GAS2: variants seen among roughly 807,000 people sequenced by gnomAD.
GAS2 encodes growth arrest-specific protein 2.
In GAS2, 20 loss-of-function variants were observed where a neutral mutation model predicts 37.5. The ratio of observed to expected loss-of-function variants is 0.53; its 90% CI spans 0.37 to 0.77. The LOEUF (loss-of-function observed/expected upper bound fraction) is 0.77, where lower values mean the gene tolerates loss of function less well. Among genes scored for constraint, GAS2 ranks in the 30% least tolerant of loss-of-function variants. The pLI, the probability that GAS2 is intolerant of heterozygous loss-of-function variation, is 0.00. For synonymous variants in GAS2, 144 were observed against 132.2 expected (o/e 1.09, Z -0.61); for missense variants, 336 against 373.4 (o/e 0.90, Z 0.82).
intron 1 of GAS2, among the ~76,000 whole-genome samples, chr11:22,640,564 TTAA>T (rs770614082): frequency 1.3e-5 from 2 of 152,168 alleles, no homozygotes; most frequent in Non-Finnish European, 2.9e-5. Context: ...GAGAACTTAT[TTAA>T]AAGTCTTGAT....
At chr11:22,718,086 C>A (rs1230064884) in intron 3 of GAS2, among the ~76,000 whole-genome samples, 1 of 151,928 alleles carries the variant, frequency 6.6e-6, no homozygotes, top group Admixed American at 6.6e-5. Flanking sequence ...ACTAAAAGTG[C>A]AAATACTATT....
intron 1 of GAS2, among the ~76,000 whole-genome samples, chr11:22,655,700 T>G (rs1377706477): frequency 1.3e-5 from 2 of 152,158 alleles, no homozygotes; most frequent in African/African-American, 2.4e-5. Context: ...ATGAAAAAAA[T>G]TAATGTATGA....
intron 4 of GAS2, among the ~76,000 whole-genome samples, chr11:22,728,176 A>G (rs1852303091): frequency 6.6e-6 from 1 of 151,974 alleles, no homozygotes; most frequent in African/African-American, 2.4e-5. Flanking sequence ...GAATGTAAAT[A>G]TTGTCTTGTC....
intron 1 of GAS2, among the ~76,000 whole-genome samples, chr11:22,660,647 C>T (rs1164196548): frequency 6.6e-6 from 1 of 152,200 alleles, no homozygotes; most frequent in Non-Finnish European, 1.5e-5. Flanking sequence ...CTCCAGATTA[C>T]TCTGCTAAAT....
intron 3 of GAS2, among the ~76,000 whole-genome samples, chr11:22,724,202 A>G (rs1002079572): frequency 3.9e-5 from 6 of 151,998 alleles, no homozygotes; most frequent in African/African-American, 1.4e-4. Flanking sequence ...ATGATCCATC[A>G]TAGGAAAAAT....
chr11:22,733,422 C>T (rs1852584671), intron 4 of GAS2, among the ~76,000 whole-genome samples: 1 of 151,700 alleles, frequency 6.6e-6, no homozygotes, highest in South Asian at 2.1e-4. Context: ...TTCGACATTA[C>T]CATTAATGTT....
intron 4 of GAS2, among the ~76,000 whole-genome samples, chr11:22,728,531 T>TA (rs1212023953): frequency 6.6e-6 from 1 of 151,114 alleles, no homozygotes; most frequent in Non-Finnish European, 1.5e-5. Context: ...CCATAAGTTA[T>TA]ATATATTATA....
intron 1 of GAS2, chr11:22,667,295 A>C (rs951527212): frequency 1.3e-5 from 2 of 152,174 alleles, no homozygotes; most frequent in African/African-American, 4.8e-5. Context: ...GCACAAGAGT[A>C]TCTGTAATGC....
At chr11:22,717,404 C>A (rs765244881) in intron 3 of GAS2, among the ~76,000 whole-genome samples, 5 of 152,064 alleles carry the variant, frequency 3.3e-5, no homozygotes, top group Non-Finnish European at 7.4e-5. Flanking sequence ...AGAATGGACA[C>A]CCTATTTCAT....
intron 7 of GAS2, among the ~76,000 whole-genome samples, chr11:22,797,207 A>T (rs1856468664): frequency 6.6e-6 from 1 of 152,048 alleles, no homozygotes; most frequent in South Asian, 2.1e-4. Flanking sequence ...GCTCCTACAC[A>T]TATTTCCAAG....
intron 1 of GAS2, among the ~76,000 whole-genome samples, chr11:22,632,360 G>A (rs938343437): frequency 1.9e-4 from 29 of 152,122 alleles, no homozygotes; most frequent in African/African-American, 6.5e-4. Flanking sequence ...TCTGTTTAAG[G>A]AGGCTAAAAT....
intron 4 of GAS2, chr11:22,731,284 G>A: frequency 2.4e-6 from 1 of 408,688 alleles, no homozygotes; most frequent in Non-Finnish European, 4.9e-6. Context: ...CACTTTTTTT[G>A]CTTGCTATAA....
intron 7 of GAS2, among the ~76,000 whole-genome samples, chr11:22,795,372 T>C (rs1239342739): frequency 1.3e-5 from 2 of 151,898 alleles, no homozygotes; most frequent in Non-Finnish European, 2.9e-5. Context: ...CATGCTGCAA[T>C]GGGGAAAGAG....
chr11:22,800,147 G>T (rs1856599902), intron 7 of GAS2, among the ~76,000 whole-genome samples: 1 of 152,084 alleles, frequency 6.6e-6, no homozygotes. Flanking sequence ...GGCATAGTAA[G>T]AAAGAATGTG....
intron 3 of GAS2, among the ~76,000 whole-genome samples, chr11:22,715,289 G>A (rs1485202460): frequency 2.0e-5 from 3 of 151,342 alleles, no homozygotes; most frequent in Non-Finnish European, 4.4e-5. Flanking sequence ...TTGAAACCCT[G>A]TCTCTACTAA....
intron 7 of GAS2, among the ~76,000 whole-genome samples, chr11:22,785,766 T>C (rs1855789053): frequency 6.6e-6 from 1 of 152,164 alleles, no homozygotes; most frequent in African/African-American, 2.4e-5. Flanking sequence ...CTCTTCCTTG[T>C]CGCTCTCTTC....
rs186603841 is a variant in GAS2 at position 22,763,964 on chromosome 11, A to T, written c.723+8011A>T. 1.5e-4 allele frequency among the ~76,000 whole-genome samples: 23 copies of T among 152,304 alleles called. No homozygotes were observed. In the Middle Eastern group the frequency reaches 0.014, roughly 90 times the overall value. ...AATTCTTTTATGTTTTTGCTTCACT[A>T]AAGACACTCTCATTTGTTTTGTCAT... On this transcript the variant is annotated intron_variant, in intron 7 of 7. Transcript: ENST00000454584.
chr11:22,704,412 C>G (rs1320564593), intron 3 of GAS2, among the ~76,000 whole-genome samples: 1 of 150,850 alleles, frequency 6.6e-6, no homozygotes, highest in African/African-American at 2.4e-5. Flanking sequence ...CTAATAAATC[C>G]TATAGTTATA....
chr11:22,636,394 T>G, intron 1 of GAS2, among the ~76,000 whole-genome samples: 1 of 152,132 alleles, frequency 6.6e-6, no homozygotes, highest in South Asian at 2.1e-4. Flanking sequence ...GTAACAAATA[T>G]AAAATGCCAC....
Sources: gnomAD v4.1 joint callset for allele counts (sites outside exome capture counted in the v4.1 genomes callset) on GRCh38, gnomAD v4.1.1 for gene constraint, MANE v1.5 for transcripts, NCBI Gene and HGNC (gene_info 2026-07-23, HGNC 2026-07-21) for gene names.